ACSM2B: variants seen among roughly 807,000 people sequenced by gnomAD.
ACSM2B encodes the protein acyl-CoA synthetase medium chain family member 2B.
In ACSM2B, 58 loss-of-function variants were observed where a neutral mutation model predicts 78.6. The observed-to-expected ratio is 0.74, with a 90% CI of 0.60 to 0.92. The LOEUF is 0.92. Ranked by LOEUF, ACSM2B falls within the 40% of genes least tolerant of loss-of-function variation. The pLI is 0.00. For synonymous variants in ACSM2B, 257 were observed against 256.8 expected (o/e 1.00, Z -0.01); for missense variants, 688 against 711.2 (o/e 0.97, Z 0.37).
Position 20,552,220 on chromosome 16 carries a change from A to G in ACSM2B, c.818T>C (p.Leu273Pro). ...TGWILNILGS[L>P]LESWTLGACT... is the part of the protein sequence containing the mutation. ...TGCTCCTAATGTCCAAGATTCCAAA[A>G]GTGAGCCCAAGATGTTCAGTATCCA... Residue 273 changes from leucine to proline, a missense_variant, in exon 6 of 14, where the codon CTT becomes CCT. By Grantham distance (98) the Leu-to-Pro change is moderately conservative. Coordinates refer to ENST00000329697, the MANE Select transcript of ACSM2B (RefSeq NM_001105069.2). The G allele has an allele frequency of 6.2e-7, 1 of 1,613,920 alleles. No homozygotes were observed. The highest frequency in any genetic ancestry group is 8.5e-7 in the Non-Finnish European group (1 of 1,179,832).
chr16:20,567,767 C>G (rs2015969520), intron 1 of ACSM2B, among the ~76,000 whole-genome samples: 1 of 136,872 alleles, frequency 7.3e-6, no homozygotes, highest in Admixed American at 8.0e-5. Flanking sequence ...AGTGTATATA[C>G]AGATATATAT....
intron 13 of ACSM2B, among the ~76,000 whole-genome samples, chr16:20,538,474 G>T (rs1416117099): frequency 1.3e-5 from 2 of 152,180 alleles, no homozygotes; most frequent in African/African-American, 2.4e-5. Context: ...GGTAGATAGA[G>T]AGTGGATGAA....
chr16:20,550,676 CA>C (rs2015287091), intron 6 of ACSM2B, among the ~76,000 whole-genome samples: 1 of 152,160 alleles, frequency 6.6e-6, no homozygotes, highest in African/African-American at 2.4e-5. Context: ...ACCTTTGCTG[CA>C]GCCAAATAGA....
intron 5 of ACSM2B, 83 bp from the exon 6 acceptor site, chr16:20,552,380 G>C: frequency 3.3e-6 from 5 of 1,524,366 alleles, no homozygotes; most frequent in Non-Finnish European, 4.4e-6. Context: ...GGGGAGGAAA[G>C]GGAGGTGTGT....
chr16:20,547,662 A>G (rs2015179634), intron 8 of ACSM2B: 1 of 1,056,858 alleles, frequency 9.5e-7, no homozygotes, highest in Non-Finnish European at 1.1e-6. Context: ...GCAGCTTTGT[A>G]CAGTGCTTGA....
chr16:20,547,633 A>G (rs2015178734), intron 8 of ACSM2B: 35 of 1,006,696 alleles, frequency 3.5e-5, no homozygotes, highest in Non-Finnish European at 3.9e-5. Flanking sequence ...TCTTCTTCCC[A>G]TTCCTCACTT....
intron 2 of ACSM2B, among the ~76,000 whole-genome samples, chr16:20,559,986 C>T (rs28445303): frequency 1.3e-5 from 2 of 150,890 alleles, no homozygotes; most frequent in Non-Finnish European, 2.9e-5. Flanking sequence ...TCTCTATCTA[C>T]TTACTTTTTT....
intron 6 of ACSM2B, among the ~76,000 whole-genome samples, chr16:20,549,368 T>C (rs976074377): frequency 2.0e-5 from 3 of 152,088 alleles, no homozygotes; most frequent in African/African-American, 7.2e-5. Context: ...GAGAACCTTC[T>C]TGCTGATGGG....
At chr16:20,575,359 T>C (rs1412184009) in intron 1 of ACSM2B, 1 of 151,698 alleles carries the variant, frequency 6.6e-6, no homozygotes, top group Non-Finnish European at 1.5e-5. Flanking sequence ...TTAACATATG[T>C]ATGTGTGTAT....
chr16:20,546,862 G>T (rs1371548467), intron 8 of ACSM2B: 10 of 177,160 alleles, frequency 5.6e-5, no homozygotes, highest in Non-Finnish European at 9.0e-5. Flanking sequence ...GAATTTTTGT[G>T]GTGTATCTAT....
chr16:20,547,724 A>G, intron 8 of ACSM2B: 2 of 1,074,634 alleles, frequency 1.9e-6, no homozygotes, highest in Non-Finnish European at 2.3e-6. Flanking sequence ...TCACAGAGGA[A>G]CTTTCTGACT....
intron 1 of ACSM2B, among the ~76,000 whole-genome samples, chr16:20,567,587 AATAAT>A (rs1395045401): frequency 2.2e-5 from 3 of 134,758 alleles, no homozygotes; most frequent in Non-Finnish European, 3.1e-5. Context: ...ATATATAAAT[AATAAT>A]ATAAGATATA....
In ACSM2B at chr16:20,554,411, C is replaced by T. The variant is rs146996546; in HGVS notation, c.597-491G>A. On this transcript the variant is annotated intron_variant, in intron 4 of 13. Transcript: ENST00000329697. ...CACCTACATATCTCTTGGACATCTC[C>T]AGTGTCTTGATTTTGAACCTTTAAA... Among the ~76,000 whole-genome samples, 482 of 152,290 alleles carry T rather than the reference C, an allele frequency of 3.2e-3. 2 individuals carry two copies. Among genetic ancestry groups the T allele is most frequent in the Non-Finnish European group, 5.4e-3 (369 of 68,016 alleles).
intron 1 of ACSM2B, among the ~76,000 whole-genome samples, chr16:20,567,798 T>C (rs1480567456): frequency 2.1e-5 from 3 of 141,116 alleles, no homozygotes; most frequent in Non-Finnish European, 3.1e-5. Context: ...ATATATGATA[T>C]ATAATAGTAT....
rs752047892 is a variant in ACSM2B, at chr16:20,553,916, C to T, written c.601G>A (p.Ala201Thr). 1.9e-6 allele frequency: 3 copies of T among 1,613,452 alleles called. No homozygotes were observed. The highest frequency in any genetic ancestry group is 2.5e-6 in the Non-Finnish European group (3 of 1,179,716). The change falls in exon 5 of 14, where the codon GCA becomes ACA. Residue 201 changes from alanine to threonine, a missense_variant. Ala to Thr is a moderately conservative substitution (Grantham distance 58). Coordinates refer to ENST00000329697, the MANE Select transcript of ACSM2B (RefSeq NM_001105069.2). ...TCCACACAGTGATGAGTGGTGGATG[C>T]CTCACTGACAAAGACACAGATTGTC... Reference protein sequence around the residue: ...WLNFKKLLNEASTTHHCVETG... With the variant: ...WLNFKKLLNETSTTHHCVETG...
intron 1 of ACSM2B, among the ~76,000 whole-genome samples, chr16:20,566,209 G>GCT (rs1253543660): frequency 1.6e-5 from 2 of 122,436 alleles, no homozygotes; most frequent in Non-Finnish European, 3.3e-5. Context: ...CCAAGCTCAT[G>GCT]CTCTCTCTCT....
intron 1 of ACSM2B, among the ~76,000 whole-genome samples, chr16:20,567,967 T>A (rs188032342): frequency 1.6e-3 from 229 of 143,290 alleles, no homozygotes; most frequent in African/African-American, 5.5e-3. Flanking sequence ...TTAAAAATAT[T>A]TTATATATAA....
intron 3 of ACSM2B, 26 bp from the exon 4 acceptor site, chr16:20,555,502 T>A: frequency 6.2e-7 from 1 of 1,610,880 alleles, no homozygotes. Context: ...ATTTAGAGAA[T>A]TGGAAAGGAT....
At chr16:20,540,902 T>A (rs748352531) in intron 12 of ACSM2B, 129 bp from the exon 13 acceptor site, 2 of 1,390,832 alleles carry the variant, frequency 1.4e-6, no homozygotes, top group Admixed American at 2.2e-5. Context: ...GTGATCCAGG[T>A]CAAGGGAAAG....
Sources: allele counts gnomAD v4.1 joint callset (sites outside exome capture counted in the v4.1 genomes callset), GRCh38; gene constraint gnomAD v4.1.1; transcripts MANE v1.5; gene names NCBI Gene and HGNC (gene_info 2026-07-23, HGNC 2026-07-21).